Variants in RBMS3 observed in about 807,000 individuals in gnomAD.
The protein encoded by RBMS3 is RNA-binding motif, single-stranded-interacting protein 3.
In RBMS3, 27 loss-of-function variants were observed where a neutral mutation model predicts 66.8. The observed-to-expected ratio is 0.40, with a 90% CI of 0.30 to 0.56. RBMS3 has a LOEUF of 0.56. RBMS3 is among the 20% of genes least tolerant of loss of function. The pLI, the probability that RBMS3 is intolerant of heterozygous loss-of-function variation, is 0.40. For missense variants in RBMS3, 513 were observed against 549.5 expected, an observed-to-expected ratio of 0.93 and a Z score of 0.66; for synonymous variants, 188 against 183.0, an observed-to-expected ratio of 1.03 and a Z score of -0.22.
intron 2 of RBMS3, among the ~76,000 whole-genome samples, chr3:29,437,818 C>G (rs1559361223): frequency 6.6e-6 from 1 of 152,040 alleles, no homozygotes; most frequent in African/African-American, 2.4e-5. Context: ...TTTATGTTTT[C>G]TTCATTCTAA....
rs1177257767 is a variant in RBMS3, at chr3:30,009,346, T to A, written c.*5484T>A. The A allele has an allele frequency of 6.6e-6, 1 of 152,122 alleles. No individual in the cohort carries two copies. The highest frequency in any genetic ancestry group is 1.5e-5 in the Non-Finnish European group (1 of 68,004). The allele number at this position is 152,122 out of a possible 1,614,324, so 9.4% of individuals were successfully genotyped here. Reference sequence around the variant, plus strand: ...AACAATTGGAAATAAAATTTGATTATTTTATTTCTTATAAAGTATTAATTT... The same window carrying A: ...AACAATTGGAAATAAAATTTGATTAATTTATTTCTTATAAAGTATTAATTT... On this transcript the variant is annotated 3_prime_UTR_variant, in exon 15 of 15. Coordinates refer to ENST00000383767, the MANE Select transcript of RBMS3 (RefSeq NM_001003793.3).
chr3:29,815,549 C>T (rs760748881), intron 6 of RBMS3, among the ~76,000 whole-genome samples: 1 of 151,784 alleles, frequency 6.6e-6, no homozygotes, highest in Non-Finnish European at 1.5e-5. Context: ...AGGGGGTTGT[C>T]AACAAGTGGG....
chr3:29,388,800 G>A (rs1349085809), intron 1 of RBMS3, among the ~76,000 whole-genome samples: 1 of 152,068 alleles, frequency 6.6e-6, no homozygotes, highest in Non-Finnish European at 1.5e-5. Context: ...TCCTGACCTC[G>A]TGATCCGCCC....
intron 5 of RBMS3, among the ~76,000 whole-genome samples, chr3:29,746,327 C>T (rs1269273912): frequency 6.6e-6 from 1 of 152,138 alleles, no homozygotes; most frequent in East Asian, 1.9e-4. Context: ...ATTTTAAACA[C>T]ATGAAACCAG....
intron 3 of RBMS3, among the ~76,000 whole-genome samples, chr3:29,544,589 G>T (rs1007311235): frequency 6.6e-6 from 1 of 152,010 alleles, no homozygotes; most frequent in African/African-American, 2.4e-5. Context: ...GAACAAAAAG[G>T]TGAGGCTAAG....
intron 4 of RBMS3, among the ~76,000 whole-genome samples, chr3:29,603,778 T>C (rs1278448787): frequency 2.6e-5 from 4 of 152,008 alleles, no homozygotes; most frequent in Non-Finnish European, 5.9e-5. Flanking sequence ...TTATTACCCA[T>C]GGTAAAGAGC....
At chr3:29,830,195 G>T (rs2058335032) in intron 6 of RBMS3, among the ~76,000 whole-genome samples, 1 of 151,444 alleles carries the variant, frequency 6.6e-6, no homozygotes, top group Non-Finnish European at 1.5e-5. Flanking sequence ...TGATAAAATT[G>T]TGCTGGGGTC....
chr3:29,993,001 C>T (rs756046607), intron 14 of RBMS3, among the ~76,000 whole-genome samples: 22 of 152,124 alleles, frequency 1.4e-4, no homozygotes, highest in Non-Finnish European at 2.8e-4. Context: ...CACTTTTTAA[C>T]TTCAGTATAC....
At chr3:29,524,095 A>G (rs2044978413) in intron 3 of RBMS3, among the ~76,000 whole-genome samples, 1 of 151,998 alleles carries the variant, frequency 6.6e-6, no homozygotes, top group South Asian at 2.1e-4. Context: ...AAATTTTCCA[A>G]TTCACTTACT....
At chr3:29,392,869 T>C (rs1049368198) in intron 1 of RBMS3, among the ~76,000 whole-genome samples, 1 of 151,792 alleles carries the variant, frequency 6.6e-6, no homozygotes, top group African/African-American at 2.4e-5. Flanking sequence ...GCAGTTGCCC[T>C]TTGCCACATT....
At chr3:29,893,190 T>A (rs2060045798) in intron 8 of RBMS3, among the ~76,000 whole-genome samples, 1 of 151,556 alleles carries the variant, frequency 6.6e-6, no homozygotes, top group Non-Finnish European at 1.5e-5. Context: ...ACTCTCTGAC[T>A]TGAGTGGCAG....
At chr3:29,309,512 G>C (rs980306159) in intron 1 of RBMS3, among the ~76,000 whole-genome samples, 2 of 151,584 alleles carry the variant, frequency 1.3e-5, no homozygotes, top group Non-Finnish European at 2.9e-5. Context: ...TCATTTTGCT[G>C]GTATTTGGCA....
intron 1 of RBMS3, among the ~76,000 whole-genome samples, chr3:29,321,409 G>A (rs1279218612): frequency 6.6e-6 from 1 of 152,024 alleles, no homozygotes; most frequent in Non-Finnish European, 1.5e-5. Context: ...TCTGAAAATA[G>A]AACAATAATT....
intron 5 of RBMS3, among the ~76,000 whole-genome samples, chr3:29,749,864 A>G (rs910747170): frequency 6.6e-6 from 1 of 152,196 alleles, no homozygotes; most frequent in African/African-American, 2.4e-5. Flanking sequence ...ATACCAAAAA[A>G]CAAACACATT....
At chr3:29,546,054 A>G (rs1326957423) in intron 3 of RBMS3, among the ~76,000 whole-genome samples, 2 of 151,696 alleles carry the variant, frequency 1.3e-5, no homozygotes, top group Non-Finnish European at 2.9e-5. Flanking sequence ...TAACTTTTTA[A>G]AAAGGCTTTA....
At chr3:29,478,650 ATT>A (rs1467446940) in intron 2 of RBMS3, among the ~76,000 whole-genome samples, 1 of 152,200 alleles carries the variant, frequency 6.6e-6, no homozygotes, top group Non-Finnish European at 1.5e-5. Flanking sequence ...TATGTTGCAG[ATT>A]TAATGGAGTT....
At chr3:29,996,901 A>C (rs1559876162) in intron 14 of RBMS3, among the ~76,000 whole-genome samples, 1 of 152,156 alleles carries the variant, frequency 6.6e-6, no homozygotes, top group Non-Finnish European at 1.5e-5. Flanking sequence ...AGCAGAAGGC[A>C]AGAAATAACT....
intron 4 of RBMS3, among the ~76,000 whole-genome samples, chr3:29,661,315 G>A (rs2050538712): frequency 6.6e-6 from 1 of 152,124 alleles, no homozygotes; most frequent in Non-Finnish European, 1.5e-5. Context: ...TGCTGGTTGT[G>A]TATAGAATCT....
chr3:29,629,897 C>A (rs2049221592), intron 4 of RBMS3, among the ~76,000 whole-genome samples: 2 of 151,938 alleles, frequency 1.3e-5, no homozygotes, highest in African/African-American at 4.8e-5. Context: ...AAATTAAAAC[C>A]AAAGGATTAG....
Sources: gnomAD v4.1 joint callset for allele counts (sites outside exome capture counted in the v4.1 genomes callset) on GRCh38, gnomAD v4.1.1 for gene constraint, MANE v1.5 for transcripts, NCBI Gene and HGNC (gene_info 2026-07-23, HGNC 2026-07-21) for gene names.